IL15: variants seen among roughly 807,000 people sequenced by gnomAD.
IL15 encodes interleukin 15, also known as interleukin-15.
IL15 carries 11 observed loss-of-function variants against 19.6 expected under a neutral mutation model. That is an observed-to-expected ratio of 0.56 (90% confidence interval 0.35 to 0.93). The LOEUF (loss-of-function observed/expected upper bound fraction) is 0.93. Among genes scored for constraint, IL15 ranks in the 40% least tolerant of loss-of-function variants. IL15 has a pLI of 0.01. For synonymous variants in IL15, 58 were observed against 59.6 expected (o/e 0.97, Z 0.12); for missense variants, 197 against 186.5 (o/e 1.06, Z -0.33).
At chr4:141,664,774 C>G (rs1305843609) in intron 2 of IL15, among the ~76,000 whole-genome samples, 1 of 152,080 alleles carries the variant, frequency 6.6e-6, no homozygotes, top group South Asian at 2.1e-4. Flanking sequence ...AGTGGAGGGA[C>G]AACAAATAGG....
intron 2 of IL15, among the ~76,000 whole-genome samples, chr4:141,678,727 G>T (rs111234651): frequency 0.024 from 3,635 of 150,790 alleles, 152 homozygotes; most frequent in African/African-American, 0.083. Context: ...TCAGCCTCCC[G>T]AGTAGCTGGG....
At position 141,733,881 on chromosome 4, in the gene IL15, G is replaced by C. The variant is rs1432827094; in HGVS notation, c.*1033G>C. ...CATTGTTATCTGACAGAAAATAATT[G>C]TTTATATTTTTTGCACTACACTGTC... On this transcript the variant is annotated 3_prime_UTR_variant, in exon 8 of 8. Transcript: ENST00000320650. 1 of 152,138 alleles carries C rather than the reference G, an allele frequency of 6.6e-6. No individual in the cohort carries two copies. Among genetic ancestry groups the C allele is most frequent in the Non-Finnish European group, 1.5e-5 (1 of 68,014 alleles). The allele number at this position is 152,138 out of a possible 1,614,324, so 9.4% of individuals were successfully genotyped here. A position where few individuals can be genotyped will look rare whatever the true frequency, so the allele number is the denominator to read the frequency against.
intron 2 of IL15, among the ~76,000 whole-genome samples, chr4:141,714,174 A>G (rs1270983226): frequency 6.6e-6 from 1 of 152,002 alleles, no homozygotes; most frequent in Non-Finnish European, 1.5e-5. Context: ...CACTGAGAAA[A>G]TGGAAGTAAT....
chr4:141,711,955 T>G (rs1277361594), intron 2 of IL15, among the ~76,000 whole-genome samples: 3 of 152,118 alleles, frequency 2.0e-5, no homozygotes, highest in South Asian at 4.1e-4. Flanking sequence ...CTTAAATAGC[T>G]TTCTATTAGC....
intron 2 of IL15, among the ~76,000 whole-genome samples, chr4:141,705,230 C>T (rs1729470210): frequency 6.6e-6 from 1 of 151,688 alleles, no homozygotes. Context: ...TTTAAACTTC[C>T]CTCTCAGAGT....
chr4:141,642,337 CG>C (rs991101328), intron 1 of IL15, among the ~76,000 whole-genome samples: 7 of 152,240 alleles, frequency 4.6e-5, no homozygotes, highest in African/African-American at 1.7e-4. Flanking sequence ...ATGGAAGTAA[CG>C]GATCTTGAAA....
intron 5 of IL15, among the ~76,000 whole-genome samples, chr4:141,724,339 A>G (rs191354658): frequency 6.6e-6 from 1 of 152,216 alleles, no homozygotes; most frequent in Admixed American, 6.6e-5. Context: ...ACATTTTTTA[A>G]AATCAAATGA....
At chr4:141,667,657 C>T (rs1728036479) in intron 2 of IL15, among the ~76,000 whole-genome samples, 3 of 151,930 alleles carry the variant, frequency 2.0e-5, no homozygotes, top group South Asian at 4.1e-4. Context: ...TTCTGCTTTC[C>T]GGGGCTCTGT....
chr4:141,659,036 T>C (rs1163918970), intron 2 of IL15, among the ~76,000 whole-genome samples: 1 of 151,956 alleles, frequency 6.6e-6, no homozygotes, highest in African/African-American at 2.4e-5. Context: ...ATTTTTTTTG[T>C]ATTTTTAGTA....
chr4:141,707,798 G>A (rs928542053), intron 2 of IL15, among the ~76,000 whole-genome samples: 2 of 152,232 alleles, frequency 1.3e-5, no homozygotes, highest in African/African-American at 2.4e-5. Flanking sequence ...CTGACAAGCT[G>A]TCTGGCTACC....
intron 1 of IL15, among the ~76,000 whole-genome samples, chr4:141,638,959 A>G (rs1726952696): frequency 6.6e-6 from 1 of 152,066 alleles, no homozygotes; most frequent in African/African-American, 2.4e-5. Context: ...TGTGTTAACT[A>G]TTTTTCTGAA....
intron 2 of IL15, among the ~76,000 whole-genome samples, chr4:141,698,826 A>G (rs1215386141): frequency 6.6e-6 from 1 of 150,448 alleles, no homozygotes; most frequent in Admixed American, 6.6e-5. Context: ...TTTCATTTTC[A>G]TTTAGTTCTG....
At chr4:141,661,328 T>C (rs947550456) in intron 2 of IL15, among the ~76,000 whole-genome samples, 2 of 152,016 alleles carry the variant, frequency 1.3e-5, no homozygotes, top group Non-Finnish European at 2.9e-5. Flanking sequence ...AAATAGGGAG[T>C]CATTCCTGGG....
Position 141,666,005 on chromosome 4 carries a change from A to G in IL15, c.-100+9698A>G, listed in dbSNP as rs758395133. On this transcript the variant is annotated intron_variant, in intron 2 of 7. Coordinates refer to ENST00000320650, the MANE Select transcript of IL15 (RefSeq NM_000585.5). ...TAAAGGTGAAAGACAGCCTTTTGTC[A>G]TAATGTTGGGGCTCTTTAGGGCTCA... Among the ~76,000 whole-genome samples, 23 of 152,194 alleles carry G rather than the reference A, an allele frequency of 1.5e-4. No individual in the cohort carries two copies. The South Asian group carries it at 1.7e-3, about 11-fold the overall frequency.
At chr4:141,678,727 G>A (rs111234651) in intron 2 of IL15, among the ~76,000 whole-genome samples, 2 of 150,692 alleles carry the variant, frequency 1.3e-5, no homozygotes, top group Non-Finnish European at 2.9e-5. Flanking sequence ...TCAGCCTCCC[G>A]AGTAGCTGGG....
chr4:141,697,670 T>G (rs575741474), intron 2 of IL15, among the ~76,000 whole-genome samples: 5 of 152,294 alleles, frequency 3.3e-5, no homozygotes, highest in African/African-American at 1.2e-4. Flanking sequence ...TTTGTTTGTG[T>G]CATCTATATT....
At position 141,641,684 on chromosome 4, in the gene IL15, C is replaced by A. The variant is rs1352060086; in HGVS notation, c.-222+4936C>A. On this transcript the variant is annotated intron_variant, in intron 1 of 7. Transcript: ENST00000320650. ...GGAAGGGGAACATCACACACCGGGG[C>A]CTGTCATGGGGTGGGGGGAGGGGGG... Among the ~76,000 whole-genome samples, 371 of 127,040 alleles carry A rather than the reference C, an allele frequency of 2.9e-3. 1 individual carries two copies. The highest frequency in any genetic ancestry group is 0.021 in the Middle Eastern group (4 of 194). The allele number at this position is 127,040 out of a possible 152,430, so 83.3% of individuals were successfully genotyped here.
chr4:141,651,289 C>T (rs544218907), intron 1 of IL15, among the ~76,000 whole-genome samples: 3 of 151,932 alleles, frequency 2.0e-5, no homozygotes, highest in South Asian at 2.1e-4. Context: ...AGCAACATGA[C>T]GGAATTGGAG....
At chr4:141,670,260 T>A (rs1728127347) in intron 2 of IL15, among the ~76,000 whole-genome samples, 1 of 152,080 alleles carries the variant, frequency 6.6e-6, no homozygotes, top group African/African-American at 2.4e-5. Flanking sequence ...TTTATGAGAG[T>A]ATCATGATAC....
Sources: gnomAD v4.1 joint callset for allele counts (sites outside exome capture counted in the v4.1 genomes callset) on GRCh38, gnomAD v4.1.1 for gene constraint, MANE v1.5 for transcripts, NCBI Gene and HGNC (gene_info 2026-07-23, HGNC 2026-07-21) for gene names.